Variants in MPPED2 observed in about 807,000 individuals in gnomAD.
MPPED2 encodes metallophosphoesterase domain containing 2.
In MPPED2, 5 loss-of-function variants were observed where a neutral mutation model predicts 33.0. That is an observed-to-expected ratio of 0.15 (90% CI 0.08 to 0.32). The LOEUF is 0.32. MPPED2 is among the 10% of genes least tolerant of loss of function. The probability of loss-of-function intolerance (pLI) is 1.00; values close to 1 mark genes in which losing one functional copy is unlikely to be tolerated. For missense variants in MPPED2, 275 were observed against 372.1 expected (o/e 0.74, Z 2.15); for synonymous variants, 136 against 141.9 (o/e 0.96, Z 0.29).
chr11:30,525,853 A>C (rs1466728445), intron 3 of MPPED2, among the ~76,000 whole-genome samples: 1 of 152,194 alleles, frequency 6.6e-6, no homozygotes, highest in African/African-American at 2.4e-5. Context: ...ATTTAAGAAA[A>C]TGGCTGCCCA....
intron 4 of MPPED2, among the ~76,000 whole-genome samples, chr11:30,489,817 G>A (rs182118316): frequency 2.6e-5 from 4 of 152,294 alleles, no homozygotes; most frequent in Non-Finnish European, 5.9e-5. Flanking sequence ...CAAGGTGCAG[G>A]CTTTCGCTGA....
intron 3 of MPPED2, among the ~76,000 whole-genome samples, chr11:30,496,265 A>T (rs11031114): frequency 0.23 from 34,416 of 152,156 alleles, 4,915 homozygotes; most frequent in Non-Finnish European, 0.32. Flanking sequence ...AATGAAAGCT[A>T]TAAAGGAAAA....
intron 6 of MPPED2, among the ~76,000 whole-genome samples, chr11:30,398,252 G>A (rs1947862707): frequency 6.6e-6 from 1 of 152,128 alleles, no homozygotes; most frequent in Non-Finnish European, 1.5e-5. Flanking sequence ...GTTTGGGACT[G>A]TGGATAAGAA....
chr11:30,573,422 TC>T (rs1230985594), intron 2 of MPPED2, among the ~76,000 whole-genome samples: 1 of 152,180 alleles, frequency 6.6e-6, no homozygotes, highest in East Asian at 1.9e-4. Context: ...TAGAGTGTAC[TC>T]CTTCTACTTA....
intron 2 of MPPED2, among the ~76,000 whole-genome samples, chr11:30,544,140 C>T (rs532848361): frequency 1.3e-5 from 2 of 152,252 alleles, no homozygotes; most frequent in South Asian, 4.1e-4. Context: ...GGTCCTTCTC[C>T]TAGTGCCATC....
intron 3 of MPPED2, among the ~76,000 whole-genome samples, chr11:30,516,103 T>C (rs539324172): frequency 3.3e-5 from 5 of 152,214 alleles, no homozygotes; most frequent in South Asian, 2.1e-4. Flanking sequence ...CCCACTGAGT[T>C]TGGATATAGC....
rs1214731344 is a variant in MPPED2 at position 30,467,192 on chromosome 11, A to G, written c.536+28104T>C. Among the ~76,000 whole-genome samples the G allele has an allele frequency of 2.6e-5, 4 of 152,308 alleles. No individual in the cohort carries two copies. The East Asian group carries it at 7.7e-4, about 29-fold the overall frequency. On this transcript the variant is annotated intron_variant, in intron 4 of 6. Coordinates refer to ENST00000358117, the MANE Select transcript of MPPED2 (RefSeq NM_001584.3). ...TCACTGAGGGCACAAGGCTAGATCA[A>G]CACATATGGGAGGAGAGCCAGGTGA...
At chr11:30,479,315 AAG>A (rs1414774641) in intron 4 of MPPED2, among the ~76,000 whole-genome samples, 1 of 152,148 alleles carries the variant, frequency 6.6e-6, no homozygotes, top group African/African-American at 2.4e-5. Context: ...TAAGTTTATA[AAG>A]ATGCATTTTT....
chr11:30,515,471 C>A (rs557435801), intron 3 of MPPED2, among the ~76,000 whole-genome samples: 37 of 152,202 alleles, frequency 2.4e-4, no homozygotes, highest in African/African-American at 8.9e-4. Flanking sequence ...GGCAGTCAGG[C>A]TTAGGAGATA....
intron 2 of MPPED2, among the ~76,000 whole-genome samples, chr11:30,560,303 T>G (rs1179600203): frequency 1.4e-5 from 2 of 140,612 alleles, no homozygotes; most frequent in African/African-American, 2.8e-5. Context: ...GACTAACAAG[T>G]TTTTTTTTTA....
intron 2 of MPPED2, among the ~76,000 whole-genome samples, chr11:30,575,459 T>C (rs1336045724): frequency 6.6e-6 from 1 of 152,182 alleles, no homozygotes; most frequent in Non-Finnish European, 1.5e-5. Context: ...GGTTCAACAA[T>C]TTTTCCATCA....
At position 30,498,568 on chromosome 11, in the gene MPPED2, C is replaced by T. The variant is rs377470467; in HGVS notation, c.311-3047G>A. On this transcript the variant is annotated intron_variant, in intron 3 of 6. Coordinates refer to ENST00000358117, the MANE Select transcript of MPPED2 (RefSeq NM_001584.3). ...GTCTCAAAAAAAAAAAAAAAAAGAA[C>T]GCTACCAACCAACCAGTTTCATCGT... Among the ~76,000 whole-genome samples the T allele has an allele frequency of 1.6e-4, 24 of 148,790 alleles. No individual in the cohort carries two copies. In the East Asian group the frequency reaches 3.6e-3, roughly 22 times the overall value.
At chr11:30,562,118 C>T (rs1359005325) in intron 2 of MPPED2, among the ~76,000 whole-genome samples, 1 of 152,176 alleles carries the variant, frequency 6.6e-6, no homozygotes, top group Non-Finnish European at 1.5e-5. Flanking sequence ...ACACAGCAAG[C>T]AGTGGGCCAG....
At chr11:30,440,766 C>T (rs926840472) in intron 4 of MPPED2, among the ~76,000 whole-genome samples, 1 of 152,170 alleles carries the variant, frequency 6.6e-6, no homozygotes, top group Admixed American at 6.5e-5. Flanking sequence ...CTGGCTGAGG[C>T]CTCTCCTTTG....
At chr11:30,548,692 G>A (rs1955558602) in intron 2 of MPPED2, among the ~76,000 whole-genome samples, 1 of 152,144 alleles carries the variant, frequency 6.6e-6, no homozygotes, top group Non-Finnish European at 1.5e-5. Context: ...GAAAGGTTAG[G>A]TCACCAAGCA....
chr11:30,441,261 G>A (rs533267974), intron 4 of MPPED2: 2 of 152,246 alleles, frequency 1.3e-5, no homozygotes, highest in South Asian at 4.1e-4. Context: ...AGCATATACT[G>A]ACCAAATAGT....
chr11:30,477,194 A>G (rs1014462928), intron 4 of MPPED2, among the ~76,000 whole-genome samples: 22 of 152,144 alleles, frequency 1.4e-4, no homozygotes, highest in African/African-American at 5.1e-4. Flanking sequence ...TTTGTCTCCA[A>G]TCTTCACTCC....
chr11:30,406,670 A>G (rs551021263), downstream of MPPED2, among the ~76,000 whole-genome samples: 21 of 152,330 alleles, frequency 1.4e-4, no homozygotes, highest in Non-Finnish European at 7.3e-5. Flanking sequence ...CAAACACAGA[A>G]GCAAACAACA....
At position 30,536,142 on chromosome 11, in the gene MPPED2, TG is replaced by T; in HGVS notation, c.161del (p.Pro54GlnfsTer50). On this transcript the variant is annotated frameshift_variant, in exon 3 of 7. Coordinates refer to ENST00000358117, the MANE Select transcript of MPPED2 (RefSeq NM_001584.3). LOFTEE classifies it high-confidence loss of function. ...VDPIPYDTPK[P>X]AGHTRFVCIS... ...TGCAGACAAACCGCGTGTGGCCCGC[TG>T]GTTTTGGAGTGTCATATGGGATGGG... The T allele has an allele frequency of 6.2e-7, 1 of 1,611,596 alleles. No homozygotes were observed. Among genetic ancestry groups the T allele is most frequent in the Middle Eastern group, 1.8e-4 (1 of 5,656 alleles).
Sources: allele counts gnomAD v4.1 joint callset (sites outside exome capture counted in the v4.1 genomes callset), GRCh38; gene constraint gnomAD v4.1.1; transcripts MANE v1.5; gene names NCBI Gene and HGNC (gene_info 2026-07-23, HGNC 2026-07-21).